The following TTC39A variants were observed in gnomAD, a reference collection of about 807,000 sequenced individuals.
The protein encoded by TTC39A is tetratricopeptide repeat protein 39A.
TTC39A carries 46 observed loss-of-function variants against 82.3 expected under a neutral mutation model. The ratio of observed to expected loss-of-function variants is 0.56; its 90% confidence interval spans 0.44 to 0.71. The LOEUF is 0.71. Ranked by LOEUF, TTC39A falls within the 30% of genes least tolerant of loss-of-function variation. The pLI is 0.00. For synonymous variants in TTC39A, 254 were observed against 275.2 expected (o/e 0.92, Z 0.76); for missense variants, 543 against 712.9 (o/e 0.76, Z 2.71).
chr1:51,314,919 G>A (rs550526025), intron 2 of TTC39A, among the ~76,000 whole-genome samples: 10 of 152,290 alleles, frequency 6.6e-5, no homozygotes, highest in Non-Finnish European at 1.0e-4. Context: ...ACCAAAGCTC[G>A]GTAAATATGA....
At chr1:51,291,221 C>G (rs917282952) in intron 14 of TTC39A, among the ~76,000 whole-genome samples, 1 of 151,954 alleles carries the variant, frequency 6.6e-6, no homozygotes, top group Non-Finnish European at 1.5e-5. Flanking sequence ...CCAGGCACAG[C>G]GGCTCACGCC....
At chr1:51,344,873 G>A (rs935514277) in intron 1 of TTC39A, 24 of 1,293,098 alleles carry the variant, frequency 1.9e-5, no homozygotes, top group Non-Finnish European at 2.5e-5. Flanking sequence ...ACGCCCAGCA[G>A]CCACACACCC....
chr1:51,311,308 A>G lies in TTC39A; in HGVS notation c.369T>C (p.Ala123=), dbSNP rs1371250829. The G allele has an allele frequency of 3.2e-6, 5 of 1,581,510 alleles. No individual in the cohort carries two copies. ...GCAGGCACTCTGCATAGCAGACCTC[A>G]GCGTGGATTTCCTCTGTGGGGAGAA... The part of the protein sequence containing the change: ...LGQFTEEEIH[A]EVCYAECLLQ... Residue 123 remains alanine, a synonymous_variant, in exon 5 of 18, where the codon GCT becomes GCC. Coordinates refer to ENST00000680483, the MANE Select transcript of TTC39A (RefSeq NM_001297663.2).
At position 51,289,103 on chromosome 1, in the gene TTC39A, C is replaced by T. The variant is rs373628035; in HGVS notation, c.1494-148G>A. ...GGATCCATAGCAAAGCCTTCCCATC[C>T]TGTACCTTGGGCTCCAGCTCCCTGA... On this transcript the variant is annotated intron_variant, in intron 16 of 17. Coordinates refer to ENST00000680483, the MANE Select transcript of TTC39A (RefSeq NM_001297663.2). The T allele has an allele frequency of 3.4e-5, 23 of 677,820 alleles. 1 individual carries two copies. In the African/African-American group the frequency reaches 4.2e-4, roughly 12 times the overall value. 42.0% of individuals were successfully genotyped at this position (677,820 alleles called of 1,614,324 possible). A position where few individuals can be genotyped will look rare whatever the true frequency, so the allele number is the denominator to read the frequency against.
At chr1:51,330,568 C>T (rs867433862), upstream of TTC39A, 57 of 982,852 alleles carry the variant, frequency 5.8e-5, no homozygotes, top group South Asian at 1.7e-3. The surrounding 1 kb of genome is among the most constrained non-coding windows in gnomAD (Gnocchi z 4.5). Context: ...GCTGTGCGGT[C>T]GCGGACGCGG....
chr1:51,331,301 A>C, upstream of TTC39A: 4 of 1,543,322 alleles, frequency 2.6e-6, no homozygotes, highest in South Asian at 4.8e-5. Context: ...TCCACTGTGC[A>C]CCGAGCCCTG....
chr1:51,291,866 G>A (rs1172848795), intron 14 of TTC39A, among the ~76,000 whole-genome samples: 1 of 151,440 alleles, frequency 6.6e-6, no homozygotes, highest in African/African-American at 2.4e-5. Flanking sequence ...CCTTTTGTTT[G>A]TTTGTTTTTG....
At chr1:51,305,929 A>T (rs759147864) in intron 7 of TTC39A, 48 bp downstream of exon 7, 1 of 1,570,062 alleles carries the variant, frequency 6.4e-7, no homozygotes, top group East Asian at 2.2e-5. Context: ...ACAGAAGGGG[A>T]GACTGAGCTC....
intron 6 of TTC39A, among the ~76,000 whole-genome samples, chr1:51,308,644 T>C (rs758167625): frequency 2.6e-5 from 4 of 152,350 alleles, no homozygotes; most frequent in Admixed American, 2.0e-4. Flanking sequence ...TAAGGGATTA[T>C]GGAGCCATGT....
At chr1:51,330,828 C>G (rs893493310), upstream of TTC39A, 10 of 469,668 alleles carry the variant, frequency 2.1e-5, no homozygotes, top group African/African-American at 1.7e-4. This position sits in a 1 kb window ranked among gnomAD's most constrained non-coding sequence, Gnocchi z 4.5. Context: ...AAGTTCTTCT[C>G]CGGGACCTGA....
Position 51,294,894 on chromosome 1 carries a change from G to A in TTC39A, c.1146-383C>T, listed in dbSNP as rs1557699731. ...CAGGAGAGACCAACACTCGGAGAAAGGGTGGGACCTACCCAAGACCAAACA... is the reference window on the plus strand; with the variant it reads ...CAGGAGAGACCAACACTCGGAGAAAAGGTGGGACCTACCCAAGACCAAACA... On this transcript the variant is annotated intron_variant, in intron 13 of 17. Transcript: ENST00000680483. This position sits in a 1 kb window ranked among gnomAD's most constrained non-coding sequence, Gnocchi z 4.3. Among the ~76,000 whole-genome samples, 1 of 152,238 alleles carries A rather than the reference G, an allele frequency of 6.6e-6. No homozygotes were observed. The highest frequency in any genetic ancestry group is 2.4e-5 in the African/African-American group (1 of 41,468).
At chr1:51,306,149 TG>T in intron 6 of TTC39A, 73 bp from the exon 7 acceptor site, 1 of 1,297,884 alleles carries the variant, frequency 7.7e-7, no homozygotes, top group East Asian at 2.3e-5. Flanking sequence ...CCCTTCCAGC[TG>T]GGCCTCAGGT....
chr1:51,313,417 T>C (rs1645160294), intron 2 of TTC39A, among the ~76,000 whole-genome samples: 1 of 152,054 alleles, frequency 6.6e-6, no homozygotes, highest in South Asian at 2.1e-4. Context: ...TCCTCACTAG[T>C]CACCTGCTGC....
At chr1:51,309,446 C>G (rs767873022) in intron 5 of TTC39A, 121 bp from the exon 6 acceptor site, 1 of 1,543,892 alleles carries the variant, frequency 6.5e-7, no homozygotes, top group Non-Finnish European at 8.7e-7. Context: ...GGGATGAGGT[C>G]GGAGGTCAGC....
chr1:51,302,011 A>C, intron 11 of TTC39A: 1 of 679,036 alleles, frequency 1.5e-6, no homozygotes, highest in Non-Finnish European at 2.7e-6. Flanking sequence ...GCTATAATGG[A>C]GGGGAGGTAC....
intron 2 of TTC39A, among the ~76,000 whole-genome samples, 175 bp from the exon 3 acceptor site, chr1:51,313,118 C>T (rs1474183950): frequency 8.5e-5 from 13 of 152,180 alleles, no homozygotes; most frequent in Non-Finnish European, 1.9e-4. Context: ...CAAAAGACCT[C>T]GGATTCTGTT....
intron 1 of TTC39A, among the ~76,000 whole-genome samples, chr1:51,327,066 C>A (rs1645739085): frequency 6.6e-6 from 1 of 152,242 alleles, no homozygotes; most frequent in Non-Finnish European, 1.5e-5. Flanking sequence ...CGCCCCCACT[C>A]TCCCCTTCCC....
intron 12 of TTC39A, chr1:51,298,652 C>T (rs185823665): frequency 6.6e-6 from 1 of 152,548 alleles, no homozygotes; most frequent in African/African-American, 2.4e-5. Flanking sequence ...AAGCCCCCTG[C>T]CCTTCTGCCA....
upstream of TTC39A, chr1:51,330,608 G>A: frequency 2.0e-6 from 2 of 983,184 alleles, no homozygotes; most frequent in Non-Finnish European, 2.4e-6. The surrounding 1 kb of genome is among the most constrained non-coding windows in gnomAD (Gnocchi z 4.5). Flanking sequence ...CGGGGGCGGG[G>A]AAGGCGGCGG....
Sources: gnomAD v4.1 joint callset for allele counts (sites outside exome capture counted in the v4.1 genomes callset) on GRCh38, gnomAD v4.1.1 for gene constraint, Gnocchi (gnomAD v3.1) non-coding constraint, MANE v1.5 for transcripts, NCBI Gene and HGNC (gene_info 2026-07-23, HGNC 2026-07-21) for gene names.